MCM9: variants seen among roughly 807,000 people sequenced by gnomAD.
MCM9 encodes minichromosome maintenance 9 homologous recombination repair factor, also known as DNA helicase MCM9.
In MCM9, 55 loss-of-function variants were observed where a neutral mutation model predicts 72.8. That is an observed-to-expected ratio of 0.76 (90% confidence interval 0.61 to 0.95). The LOEUF (loss-of-function observed/expected upper bound fraction) is 0.95. Ranked by LOEUF, MCM9 falls within the 40% of genes least tolerant of loss-of-function variation. MCM9 has a pLI of 0.00. For missense variants in MCM9, 1,279 were observed against 1,377.0 expected, an observed-to-expected ratio of 0.93 and a Z score of 1.13; for synonymous variants, 480 against 503.4, an observed-to-expected ratio of 0.95 and a Z score of 0.62.
intron 9 of MCM9, among the ~76,000 whole-genome samples, chr6:118,851,145 T>C (rs1313540883): frequency 6.6e-5 from 10 of 151,914 alleles, no homozygotes; most frequent in Admixed American, 4.6e-4. Context: ...ATGTGAGAAA[T>C]GTGAAGTCTG....
chr6:118,817,896 T>A (rs934765003), intron 13 of MCM9, among the ~76,000 whole-genome samples: 2 of 152,250 alleles, frequency 1.3e-5, no homozygotes, highest in Non-Finnish European at 2.9e-5. Context: ...CCAGTGATGA[T>A]GAGCTTTTTT....
chr6:118,848,493 G>A (rs1319191376), intron 9 of MCM9, among the ~76,000 whole-genome samples: 1 of 151,810 alleles, frequency 6.6e-6, no homozygotes, highest in African/African-American at 2.4e-5. Context: ...GGCTTCTCTT[G>A]TTTACATCAC....
intron 8 of MCM9, among the ~76,000 whole-genome samples, chr6:118,898,090 G>A (rs1428973305): frequency 6.6e-6 from 1 of 152,172 alleles, no homozygotes; most frequent in Non-Finnish European, 1.5e-5. Flanking sequence ...AAGAAGCCCG[G>A]GGTTTGTAGT....
At chr6:118,918,778 G>C (rs1359716042) in intron 5 of MCM9, 1 of 152,124 alleles carries the variant, frequency 6.6e-6, no homozygotes, top group Admixed American at 6.6e-5. Context: ...AAGCCTTTGT[G>C]CCAATTATAT....
intron 8 of MCM9, among the ~76,000 whole-genome samples, chr6:118,882,759 A>G (rs953786889): frequency 1.3e-5 from 2 of 152,182 alleles, no homozygotes; most frequent in African/African-American, 2.4e-5. Context: ...AACATCAGCG[A>G]CTTCACACTG....
At chr6:118,821,101 T>C (rs12190099) in intron 13 of MCM9, among the ~76,000 whole-genome samples, 20,575 of 152,190 alleles carry the variant, frequency 0.14, 1,543 homozygotes, top group Non-Finnish European at 0.17. Flanking sequence ...TGTCTTTTAA[T>C]TGGAGCATTT....
chr6:118,822,173 G>T (rs1192486146), intron 13 of MCM9, among the ~76,000 whole-genome samples: 1 of 152,176 alleles, frequency 6.6e-6, no homozygotes, highest in Non-Finnish European at 1.5e-5. Context: ...CCTTGCTGGA[G>T]AGGAGTTGCA....
At chr6:118,894,672 G>A (rs533485421) in intron 8 of MCM9, 17 of 682,886 alleles carry the variant, frequency 2.5e-5, no homozygotes, top group Middle Eastern at 4.1e-4. Flanking sequence ...GATGGACGAC[G>A]GCCGCCGAGG....
At position 118,917,600 on chromosome 6, in the gene MCM9, C is replaced by T. The variant is rs368955125; in HGVS notation, c.865G>A (p.Glu289Lys). Residue 289 changes from glutamate to lysine, a missense_variant, in exon 6 of 14, where the codon GAA becomes AAA. By Grantham distance (56) the Glu-to-Lys change is moderately conservative. Coordinates refer to ENST00000619706, the MANE Select transcript of MCM9 (RefSeq NM_017696.3). ...CTCTTATAGTATTCCCAAAAATCTTCGAATTCCTTTTGGACCTCCTCATCC... is the reference window on the plus strand; with the variant it reads ...CTCTTATAGTATTCCCAAAAATCTTTGAATTCCTTTTGGACCTCCTCATCC... ...IMDEEVQKEF[E>K]DFWEYYKSDP... The T allele has an allele frequency of 1.2e-4, 196 of 1,614,044 alleles. No homozygotes were observed. The highest frequency in any genetic ancestry group is 1.6e-4 in the Non-Finnish European group (191 of 1,180,022).
rs573472633 is a variant in MCM9, at chr6:118,915,512, A to G, written c.904+2049T>C. Among the ~76,000 whole-genome samples, 3 of 152,334 alleles carry G rather than the reference A, an allele frequency of 2.0e-5. No individual in the cohort carries two copies. The East Asian group carries it at 5.8e-4, about 29-fold the overall frequency. ...AGGGTCAAGGAATCCCTCAGGTGACAGCAGATCAGAATAAGGCCCCTAGGT... is the reference window on the plus strand; with the variant it reads ...AGGGTCAAGGAATCCCTCAGGTGACGGCAGATCAGAATAAGGCCCCTAGGT... On this transcript the variant is annotated intron_variant, in intron 6 of 13. Transcript: ENST00000619706.
intron 8 of MCM9, among the ~76,000 whole-genome samples, chr6:118,892,612 C>T (rs986981306): frequency 5.3e-5 from 8 of 152,184 alleles, no homozygotes; most frequent in Admixed American, 5.2e-4. Context: ...GCAATTTCCA[C>T]TTTATCTGCT....
At chr6:118,843,426 C>T (rs924611815) in intron 9 of MCM9, among the ~76,000 whole-genome samples, 16 of 150,772 alleles carry the variant, frequency 1.1e-4, no homozygotes, top group Admixed American at 2.0e-4. Context: ...GTCGGGAGTT[C>T]GAGACCAGCC....
At chr6:118,865,805 T>G (rs913370590) in intron 8 of MCM9, among the ~76,000 whole-genome samples, 3 of 151,786 alleles carry the variant, frequency 2.0e-5, no homozygotes, top group African/African-American at 7.3e-5. Context: ...AAACTAGCTC[T>G]GGGAGTTGAT....
chr6:118,843,141 G>C (rs188729793), intron 9 of MCM9, among the ~76,000 whole-genome samples: 8 of 152,190 alleles, frequency 5.3e-5, no homozygotes, highest in African/African-American at 1.4e-4. Flanking sequence ...AGTTGCTTAA[G>C]CATCTGAATA....
intron 13 of MCM9, among the ~76,000 whole-genome samples, chr6:118,817,371 G>A (rs373482161): frequency 6.6e-6 from 1 of 150,708 alleles, no homozygotes; most frequent in Non-Finnish European, 1.5e-5. Context: ...TCCCACTTAT[G>A]AGTGAGAACA....
At chr6:118,923,489 A>G (rs1423334994) in intron 4 of MCM9, among the ~76,000 whole-genome samples, 1 of 152,166 alleles carries the variant, frequency 6.6e-6, no homozygotes, top group African/African-American at 2.4e-5. Context: ...TTAATCTTCT[A>G]TCCCTTAGCT....
rs1222018344 is a variant in MCM9, at chr6:118,935,095, G to T, written c.-354C>A. ...TAGCGCCTGCGGCTCTGCCGGGCCTGCGCTCTCGACCGACGCCGGGCCGCG... is the reference window on the plus strand; with the variant it reads ...TAGCGCCTGCGGCTCTGCCGGGCCTTCGCTCTCGACCGACGCCGGGCCGCG... On this transcript the variant is annotated 5_prime_UTR_variant, in exon 1 of 14. Transcript: ENST00000619706. 1 of 152,120 alleles carries T rather than the reference G, an allele frequency of 6.6e-6. No homozygotes were observed. The highest frequency in any genetic ancestry group is 2.4e-5 in the African/African-American group (1 of 41,446). 9.4% of individuals were successfully genotyped at this position (152,120 alleles called of 1,614,324 possible). A position where few individuals can be genotyped will look rare whatever the true frequency, so the allele number is the denominator to read the frequency against.
At chr6:118,899,546 A>T (rs965513666) in intron 8 of MCM9, among the ~76,000 whole-genome samples, 1 of 152,182 alleles carries the variant, frequency 6.6e-6, no homozygotes, top group African/African-American at 2.4e-5. Flanking sequence ...AGCACCCTGC[A>T]TCTGGAAGTG....
At chr6:118,898,356 A>T (rs1333086790) in intron 8 of MCM9, among the ~76,000 whole-genome samples, 1 of 152,118 alleles carries the variant, frequency 6.6e-6, no homozygotes, top group Non-Finnish European at 1.5e-5. Context: ...ACCACTTAGG[A>T]TCAAGGGCAT....
Sources: gnomAD v4.1 joint callset for allele counts (sites outside exome capture counted in the v4.1 genomes callset) on GRCh38, gnomAD v4.1.1 for gene constraint, MANE v1.5 for transcripts, NCBI Gene and HGNC (gene_info 2026-07-23, HGNC 2026-07-21) for gene names.